The following MKLN1 variants were observed in gnomAD, a reference collection of about 807,000 sequenced individuals.
MKLN1 encodes the protein muskelin.
MKLN1 carries 18 observed loss-of-function variants against 99.0 expected under a neutral mutation model. The observed-to-expected ratio is 0.18, with a 90% CI of 0.13 to 0.27. MKLN1 has a LOEUF of 0.27. Among genes scored for constraint, MKLN1 ranks in the 10% least tolerant of loss-of-function variants. The pLI is 1.00. For missense variants in MKLN1, 621 were observed against 875.9 expected (o/e 0.71, Z 3.67); for synonymous variants, 288 against 293.2 (o/e 0.98, Z 0.18).
intron 1 of MKLN1, 129 bp downstream of exon 1, chr7:131,328,126 C>A: frequency 8.6e-7 from 1 of 1,162,148 alleles, no homozygotes; most frequent in South Asian, 1.4e-5. Flanking sequence ...GTGCGGCCTC[C>A]GGAGTCTTAG....
At chr7:131,146,205 G>T (rs945601318) in intron 2 of MKLN1, among the ~76,000 whole-genome samples, 1 of 152,124 alleles carries the variant, frequency 6.6e-6, no homozygotes, top group Admixed American at 6.5e-5. Flanking sequence ...AGGTGGGCAT[G>T]GTGGTACACG....
chr7:131,367,122 T>C (rs751490399), intron 1 of MKLN1, among the ~76,000 whole-genome samples: 7 of 152,238 alleles, frequency 4.6e-5, no homozygotes, highest in Non-Finnish European at 8.8e-5. Flanking sequence ...TAGAAGAATT[T>C]AATTACTCAT....
At chr7:131,258,342 A>G (rs1206875746) in intron 3 of MKLN1, among the ~76,000 whole-genome samples, 1 of 151,868 alleles carries the variant, frequency 6.6e-6, no homozygotes, top group African/African-American at 2.4e-5. Context: ...TGCTGGAGGA[A>G]GATTCTGTTG....
chr7:131,134,385 T>C (rs1795616402), intron 1 of MKLN1, among the ~76,000 whole-genome samples: 1 of 152,104 alleles, frequency 6.6e-6, no homozygotes, highest in Non-Finnish European at 1.5e-5. Flanking sequence ...GTCCTTTTCA[T>C]TGTTTGTCTG....
chr7:131,417,682 A>G (rs1019699307), intron 8 of MKLN1, among the ~76,000 whole-genome samples: 1 of 152,170 alleles, frequency 6.6e-6, no homozygotes, highest in Non-Finnish European at 1.5e-5. Flanking sequence ...TTCAAAAAAT[A>G]TGTTTCCAAG....
chr7:131,338,852 C>G (rs1051732226), intron 1 of MKLN1, among the ~76,000 whole-genome samples: 1 of 152,184 alleles, frequency 6.6e-6, no homozygotes, highest in African/African-American at 2.4e-5. Flanking sequence ...TCTACTTACA[C>G]GTGATTTTCT....
chr7:131,206,553 G>A (rs6978704), intron 3 of MKLN1, among the ~76,000 whole-genome samples: 67,726 of 147,254 alleles, frequency 0.46, 16,248 homozygotes, highest in South Asian at 0.61. Flanking sequence ...TATTATTATT[G>A]TTATTATTAT....
chr7:131,192,245 A>ACTT (rs1169181000), intron 2 of MKLN1, among the ~76,000 whole-genome samples: 37 of 93,474 alleles, frequency 4.0e-4, no homozygotes, highest in African/African-American at 1.6e-3. Flanking sequence ...ATAAATATAT[A>ACTT]AAATATAATA....
rs565778952 is a variant in MKLN1, at chr7:131,165,125, C to T, written c.-297+22184C>T. 1.8e-3 allele frequency among the ~76,000 whole-genome samples: 267 copies of T among 151,664 alleles called. 2 individuals carry two copies. Among genetic ancestry groups the T allele is most frequent in the African/African-American group, 5.9e-3 (244 of 41,384 alleles). On this transcript the variant is annotated intron_variant, in intron 2 of 7. Transcript: ENST00000416992. ...ATGAAGAAAGTGATATTTGGGATCC[C>T]GGAAGTGTGGGTAGGATTTCTGGGT...
intron 3 of MKLN1, among the ~76,000 whole-genome samples, chr7:131,236,139 G>T (rs893504717): frequency 6.6e-6 from 1 of 152,200 alleles, no homozygotes. Context: ...TAAGTAAAAT[G>T]TAAGCAGTAA....
In MKLN1 at chr7:131,291,732, G is replaced by A. The variant is rs62472024; in HGVS notation, c.-178-83692G>A. Among the ~76,000 whole-genome samples, 795 of 142,356 alleles carry A rather than the reference G, an allele frequency of 5.6e-3. 6 individuals carry two copies. Among genetic ancestry groups the A allele is most frequent in the Non-Finnish European group, 7.3e-3 (488 of 66,496 alleles). The allele number at this position is 142,356 out of a possible 152,430, so 93.4% of individuals were successfully genotyped here. ...TGCTCCAGTTGGATGACAGCAATAAGTTCTACAGAGGTGAGTTAGTTGGAG... is the reference window on the plus strand; with the variant it reads ...TGCTCCAGTTGGATGACAGCAATAAATTCTACAGAGGTGAGTTAGTTGGAG... On this transcript the variant is annotated intron_variant, in intron 3 of 7. Transcript: ENST00000416992.
intron 3 of MKLN1, among the ~76,000 whole-genome samples, chr7:131,289,502 A>G (rs1798186465): frequency 1.3e-5 from 2 of 152,068 alleles, no homozygotes; most frequent in Non-Finnish European, 2.9e-5. Context: ...ATCCTTACCA[A>G]TGGACTTTAA....
chr7:131,433,328 C>T lies in MKLN1; in HGVS notation c.960+4183C>T, dbSNP rs551973339. Reference sequence around the variant, plus strand: ...AAGAATAACCCATAGATCACATTAGCATCTCCTCCATATATCATATCAGGA... The same window carrying T: ...AAGAATAACCCATAGATCACATTAGTATCTCCTCCATATATCATATCAGGA... On this transcript the variant is annotated intron_variant, in intron 9 of 17. Transcript: ENST00000352689. Among the ~76,000 whole-genome samples, 18 of 152,262 alleles carry T rather than the reference C, an allele frequency of 1.2e-4. 1 individual carries two copies. In the South Asian group the frequency reaches 3.7e-3, roughly 32 times the overall value.
At position 131,488,590 on chromosome 7, in the gene MKLN1, A is replaced by T. The variant is rs1344217190; in HGVS notation, c.*862A>T. Reference sequence around the variant, plus strand: ...AATATCTTAATAGCAATTTTAGGAGAAAATGACTCTTTCGTCCAGAAGAGC... The same window carrying T: ...AATATCTTAATAGCAATTTTAGGAGTAAATGACTCTTTCGTCCAGAAGAGC... On this transcript the variant is annotated 3_prime_UTR_variant, in exon 18 of 18. Transcript: ENST00000352689. 2 of 152,642 alleles carry T rather than the reference A, an allele frequency of 1.3e-5. No homozygotes were observed. Among genetic ancestry groups the T allele is most frequent in the East Asian group, 3.9e-4 (2 of 5,184 alleles). 9.5% of individuals were successfully genotyped at this position (152,642 alleles called of 1,614,324 possible).
At chr7:131,256,349 A>G (rs1211853481) in intron 3 of MKLN1, among the ~76,000 whole-genome samples, 2 of 152,220 alleles carry the variant, frequency 1.3e-5, no homozygotes, top group African/African-American at 2.4e-5. Context: ...AATTCAAGTG[A>G]CCCCAGTCAG....
chr7:131,216,834 A>G lies in MKLN1; in HGVS notation c.-179+13860A>G, dbSNP rs182947618. Among the ~76,000 whole-genome samples, 57 of 152,310 alleles carry G rather than the reference A, an allele frequency of 3.7e-4. No individual in the cohort carries two copies. In the East Asian group the frequency reaches 9.6e-3, roughly 26 times the overall value. ...AGCCACAGGACTGTGAGTTCCTCCA[A>G]TGATAGGGCTGTGCCTTTTTCATCC... On this transcript the variant is annotated intron_variant, in intron 3 of 7. Transcript: ENST00000416992.
At chr7:131,293,323 C>A (rs545062924) in intron 3 of MKLN1, among the ~76,000 whole-genome samples, 1 of 152,342 alleles carries the variant, frequency 6.6e-6, no homozygotes, top group African/African-American at 2.4e-5. Flanking sequence ...AGCAGCAGAA[C>A]TACCTAGCCA....
At chr7:131,176,398 A>T (rs912379610) in intron 2 of MKLN1, among the ~76,000 whole-genome samples, 2 of 152,186 alleles carry the variant, frequency 1.3e-5, no homozygotes, top group African/African-American at 4.8e-5. Context: ...ACCAACAGCT[A>T]AATTTGGAAG....
chr7:131,429,023 A>G lies in MKLN1; in HGVS notation c.848-10A>G. 1 of 1,605,752 alleles carries G rather than the reference A, an allele frequency of 6.2e-7. No homozygotes were observed. Among genetic ancestry groups the G allele is most frequent in the South Asian group, 1.1e-5 (1 of 89,850 alleles). ...TTTTTTTTTTACACATATTTTTCTG[A>G]TTTTCATAGAGACTGTTTATTTGTT... is the stretch of plus-strand genomic sequence containing the variant. On this transcript the variant is annotated splice_polypyrimidine_tract_variant and intron_variant, in intron 8 of 17. Coordinates refer to ENST00000352689, the MANE Select transcript of MKLN1 (RefSeq NM_013255.5).
Sources: allele counts gnomAD v4.1 joint callset (sites outside exome capture counted in the v4.1 genomes callset), GRCh38; gene constraint gnomAD v4.1.1; transcripts MANE v1.5; gene names NCBI Gene and HGNC (gene_info 2026-07-23, HGNC 2026-07-21).